ANKRD55: variants seen among roughly 807,000 people sequenced by gnomAD.
The protein encoded by ANKRD55 is ankyrin repeat domain-containing protein 55.
Under a neutral mutation model 60.6 loss-of-function variants are expected in ANKRD55, and 41 were observed. That is an observed-to-expected ratio of 0.68 (90% CI 0.53 to 0.88). The LOEUF (loss-of-function observed/expected upper bound fraction) is 0.88. ANKRD55 is among the 40% of genes least tolerant of loss of function. The pLI, the probability that ANKRD55 is intolerant of heterozygous loss-of-function variation, is 0.00. For missense variants in ANKRD55, 732 were observed against 767.6 expected (o/e 0.95, Z 0.55); for synonymous variants, 264 against 290.3 (o/e 0.91, Z 0.92).
intron 2 of ANKRD55, among the ~76,000 whole-genome samples, chr5:56,190,141 A>G (rs1243231433): frequency 6.6e-6 from 1 of 152,220 alleles, no homozygotes; most frequent in African/African-American, 2.4e-5. Context: ...AGAAATGTCT[A>G]TTCAAATCCT....
chr5:56,168,655 C>A (rs1056807157), intron 5 of ANKRD55, among the ~76,000 whole-genome samples: 1 of 152,118 alleles, frequency 6.6e-6, no homozygotes, highest in Non-Finnish European at 1.5e-5. Context: ...TTTCAGACAT[C>A]GATGTGGGTC....
chr5:56,131,053 A>G (rs971758863), intron 7 of ANKRD55, among the ~76,000 whole-genome samples: 1 of 152,212 alleles, frequency 6.6e-6, no homozygotes, highest in African/African-American at 2.4e-5. Flanking sequence ...AGAAAAAGGA[A>G]CAGGATAAAT....
chr5:56,190,332 A>G (rs1380512114), intron 2 of ANKRD55, among the ~76,000 whole-genome samples: 1 of 152,144 alleles, frequency 6.6e-6, no homozygotes, highest in Non-Finnish European at 1.5e-5. Context: ...ATTTTGATGT[A>G]GTCTAATTTG....
intron 10 of ANKRD55, among the ~76,000 whole-genome samples, chr5:56,109,080 C>CA (rs1491168297): frequency 4.9e-4 from 74 of 150,224 alleles, no homozygotes; most frequent in African/African-American, 1.7e-3. Flanking sequence ...CACACACACA[C>CA]CCCACCGCCC....
In ANKRD55 at chr5:56,135,294, GCTTTCTTTCTTTCTTT is replaced by G. The variant is rs1255557630; in HGVS notation, c.613-8204_613-8189del. Among the ~76,000 whole-genome samples, 147 of 84,454 alleles carry G rather than the reference GCTTTCTTTCTTTCTTT, an allele frequency of 1.7e-3. 5 individuals are homozygous for G. Among genetic ancestry groups the G allele is most frequent in the East Asian group, 7.7e-3 (20 of 2,612 alleles). 55.4% of individuals were successfully genotyped at this position (84,454 alleles called of 152,430 possible). A position where few individuals can be genotyped will look rare whatever the true frequency, so the allele number is the denominator to read the frequency against. Reference sequence around the variant, plus strand: ...TCCCTCCCTCCCTGCCTGCCTGCTTGCTTTCTTTCTTTCTTTCTTTCTTTCTTTCTTTCTTTCTTTC... The same window carrying G: ...TCCCTCCCTCCCTGCCTGCCTGCTTGCTTTCTTTCTTTCTTTCTTTCTTTC... On this transcript the variant is annotated intron_variant, in intron 7 of 11. Coordinates refer to ENST00000341048, the MANE Select transcript of ANKRD55 (RefSeq NM_024669.3).
intron 9 of ANKRD55, among the ~76,000 whole-genome samples, chr5:56,114,624 G>A (rs1195621034): frequency 6.6e-6 from 1 of 152,178 alleles, no homozygotes; most frequent in African/African-American, 2.4e-5. Flanking sequence ...ACCAATGCAA[G>A]GTGTTAATAA....
chr5:56,148,054 G>A (rs1163036353), intron 6 of ANKRD55, among the ~76,000 whole-genome samples: 1 of 152,320 alleles, frequency 6.6e-6, no homozygotes, highest in African/African-American at 2.4e-5. Context: ...AGATGCTGTG[G>A]CATATTCAGC....
At chr5:56,126,720 A>G (rs1040823738) in intron 8 of ANKRD55, among the ~76,000 whole-genome samples, 5 of 152,256 alleles carry the variant, frequency 3.3e-5, no homozygotes, top group African/African-American at 1.2e-4. Context: ...ACAACACTGT[A>G]CAGTCGCAGT....
intron 6 of ANKRD55, among the ~76,000 whole-genome samples, chr5:56,156,763 C>G (rs1030893565): frequency 6.6e-6 from 1 of 152,130 alleles, no homozygotes; most frequent in African/African-American, 2.4e-5. Flanking sequence ...TGGTTCTCAT[C>G]TTTAAAGCAG....
At chr5:56,204,864 T>G (rs1171523932) in intron 2 of ANKRD55, among the ~76,000 whole-genome samples, 1 of 152,234 alleles carries the variant, frequency 6.6e-6, no homozygotes, top group Non-Finnish European at 1.5e-5. Flanking sequence ...ATCAAATACA[T>G]GACTCCACCT....
At chr5:56,103,210 G>A (rs1756342987) in intron 10 of ANKRD55, among the ~76,000 whole-genome samples, 1 of 152,208 alleles carries the variant, frequency 6.6e-6, no homozygotes. Flanking sequence ...AAGCAGTGGT[G>A]TGTGCATGGA....
chr5:56,230,574 G>A (rs1478479121), intron 2 of ANKRD55, among the ~76,000 whole-genome samples: 1 of 152,052 alleles, frequency 6.6e-6, no homozygotes, highest in Non-Finnish European at 1.5e-5. Context: ...AACTTTTCCC[G>A]AGAAAGTCAC....
chr5:56,183,343 C>G (rs1354247285), intron 3 of ANKRD55, among the ~76,000 whole-genome samples, 169 bp downstream of exon 3: 3 of 152,170 alleles, frequency 2.0e-5, no homozygotes, highest in Admixed American at 2.0e-4. Context: ...ATATTGAAAA[C>G]AAACTCAAAC....
intron 5 of ANKRD55, among the ~76,000 whole-genome samples, chr5:56,168,466 T>C (rs760314231): frequency 1.3e-5 from 2 of 152,196 alleles, no homozygotes; most frequent in Admixed American, 6.5e-5. Context: ...ATTACTCTTA[T>C]TTTACTTAGC....
intron 6 of ANKRD55, among the ~76,000 whole-genome samples, chr5:56,151,642 A>G (rs1371719885): frequency 6.6e-6 from 1 of 151,882 alleles, no homozygotes; most frequent in East Asian, 1.9e-4. Context: ...GTGAAACCCC[A>G]TCTCCACAAA....
At chr5:56,229,671 T>C (rs1196244696) in intron 2 of ANKRD55, among the ~76,000 whole-genome samples, 1 of 152,106 alleles carries the variant, frequency 6.6e-6, no homozygotes, top group Non-Finnish European at 1.5e-5. Flanking sequence ...GGAAAATGCA[T>C]GTGGAGGGGT....
Position 56,129,326 on chromosome 5 carries a change from A to G in ANKRD55, c.613-2220T>C, listed in dbSNP as rs76127173. On this transcript the variant is annotated intron_variant, in intron 7 of 11. Transcript: ENST00000341048. ...TAGGGAAAGAAACAGTATTGTACAT[A>G]TCCTATTCTTAAGGAGCTCTAGAAT... Among the ~76,000 whole-genome samples the G allele has an allele frequency of 2.3e-3, 356 of 152,302 alleles. 3 individuals are homozygous for G. The highest frequency in any genetic ancestry group is 8.3e-3 in the African/African-American group (345 of 41,570).
At chr5:56,229,079 C>A (rs1227583880) in intron 2 of ANKRD55, among the ~76,000 whole-genome samples, 1 of 148,072 alleles carries the variant, frequency 6.8e-6, no homozygotes, top group African/African-American at 2.6e-5. Context: ...CCACCTCCCG[C>A]CGACCCCTCG....
chr5:56,190,912 A>G (rs528724667), intron 2 of ANKRD55, among the ~76,000 whole-genome samples: 20 of 152,368 alleles, frequency 1.3e-4, no homozygotes, highest in African/African-American at 4.1e-4. Context: ...TACTGGTACA[A>G]TGACAGTTAA....
Sources: gnomAD v4.1 joint callset for allele counts (sites outside exome capture counted in the v4.1 genomes callset) on GRCh38, gnomAD v4.1.1 for gene constraint, MANE v1.5 for transcripts, NCBI Gene and HGNC (gene_info 2026-07-23, HGNC 2026-07-21) for gene names.